Variants in UGT1A10 observed in about 807,000 individuals in gnomAD.
The protein encoded by UGT1A10 is UDP glucuronosyltransferase family 1 member A10, also known as UDP-glucuronosyltransferase 1A10.
UGT1A10 carries 49 observed loss-of-function variants against 45.8 expected under a neutral mutation model. The ratio of observed to expected loss-of-function variants is 1.07; its 90% CI spans 0.85 to 1.36. The LOEUF (loss-of-function observed/expected upper bound fraction) is 1.36, where lower values mean the gene tolerates loss of function less well. Ranked by LOEUF, UGT1A10 falls within the 40% of genes most tolerant of loss-of-function variation. UGT1A10 has a pLI of 0.00. For missense variants in UGT1A10, 745 were observed against 668.6 expected (o/e 1.11, Z -1.26); for synonymous variants, 284 against 249.7 (o/e 1.14, Z -1.29).
intron 1 of UGT1A10, chr2:233,754,561 A>G (rs1695515427): frequency 2.5e-6 from 1 of 393,304 alleles, no homozygotes; most frequent in Non-Finnish European, 5.1e-6. Context: ...GTCAATGGGG[A>G]GCAACTGCTC....
intron 1 of UGT1A10, among the ~76,000 whole-genome samples, chr2:233,736,128 G>A (rs1042776014): frequency 2.0e-5 from 3 of 152,068 alleles, no homozygotes; most frequent in Non-Finnish European, 4.4e-5. Flanking sequence ...TCCATTCTCC[G>A]CATCACTTTC....
intron 1 of UGT1A10, among the ~76,000 whole-genome samples, chr2:233,666,127 GATCACATGGCT>G: frequency 6.6e-6 from 1 of 152,210 alleles, no homozygotes; most frequent in Non-Finnish European, 1.5e-5. Context: ...GGAGGGTGCT[GATCACATGGCT>G]AGAGAGAAGC....
intron 2 of UGT1A10, among the ~76,000 whole-genome samples, chr2:233,767,555 C>A (rs1317722684): frequency 3.3e-5 from 5 of 152,206 alleles, no homozygotes; most frequent in Non-Finnish European, 7.3e-5. Context: ...AGTTCTGCAT[C>A]CACTTGTTTC....
In UGT1A10 at chr2:233,725,203, CAGA is replaced by C. The variant is rs1559370309; in HGVS notation, c.856-41830_856-41828del. On this transcript the variant is annotated intron_variant, in intron 1 of 4. Transcript: ENST00000344644. The stretch of plus-strand genomic sequence containing the variant: ...GGAGAGGCAGAGGCAGAGGCAGAGG[CAGA>C]GGCAGAGGCAGAGGAGGCAGAGGCA... Among the ~76,000 whole-genome samples, 4 of 83,028 alleles carry C rather than the reference CAGA, an allele frequency of 4.8e-5. 1 individual carries two copies. The highest frequency in any genetic ancestry group is 4.2e-5 in the Non-Finnish European group (2 of 47,892). 54.5% of individuals were successfully genotyped at this position (83,028 alleles called of 152,430 possible). A position where few individuals can be genotyped will look rare whatever the true frequency, so the allele number is the denominator to read the frequency against.
chr2:233,639,082 A>G (rs942147241), intron 1 of UGT1A10, among the ~76,000 whole-genome samples: 1 of 152,196 alleles, frequency 6.6e-6, no homozygotes, highest in East Asian at 1.9e-4. Flanking sequence ...AGGGTCACCT[A>G]GAGGCCTTTA....
chr2:233,736,555 T>G (rs905446962), intron 1 of UGT1A10, among the ~76,000 whole-genome samples: 2 of 152,246 alleles, frequency 1.3e-5, no homozygotes, highest in African/African-American at 4.8e-5. Flanking sequence ...GCTCCATTGC[T>G]AGCAAGGAGC....
chr2:233,655,225 G>T (rs559496034), intron 1 of UGT1A10, among the ~76,000 whole-genome samples: 1 of 152,134 alleles, frequency 6.6e-6, no homozygotes, highest in Non-Finnish European at 1.5e-5. Context: ...TGATCACCAG[G>T]GCAAAGTCTA....
chr2:233,755,002 C>G, intron 1 of UGT1A10: 1 of 1,294,350 alleles, frequency 7.7e-7, no homozygotes, highest in Non-Finnish European at 1.0e-6. Context: ...AAGCTGAAGA[C>G]CTACTCGAAG....
intron 1 of UGT1A10, among the ~76,000 whole-genome samples, chr2:233,642,815 T>G (rs1002055457): frequency 6.6e-6 from 1 of 152,246 alleles, no homozygotes; most frequent in Non-Finnish European, 1.5e-5. Flanking sequence ...GATACTTCTC[T>G]GGATTCCAGC....
At chr2:233,742,734 T>C (rs1156368500) in intron 1 of UGT1A10, 3 of 152,940 alleles carry the variant, frequency 2.0e-5, no homozygotes, top group Non-Finnish European at 4.4e-5. Flanking sequence ...GGGATTCAAA[T>C]GTCTGACCTC....
chr2:233,715,550 T>C (rs1275679420), intron 1 of UGT1A10, among the ~76,000 whole-genome samples: 5 of 152,112 alleles, frequency 3.3e-5, no homozygotes, highest in African/African-American at 7.2e-5. Flanking sequence ...GGGAGGAGGA[T>C]TGCTTGAGCC....
Position 233,743,587 on chromosome 2 carries a change from G to A in UGT1A10, c.856-23447G>A, listed in dbSNP as rs375891802. On this transcript the variant is annotated intron_variant, in intron 1 of 4. Transcript: ENST00000344644. ...GCGGGTTTCCCAAGAGGTCAAAGGA[G>A]AATGGGTCCTGGCCGCCGAAGAACT... The A allele has an allele frequency of 8.8e-6, 12 of 1,367,220 alleles. No individual in the cohort carries two copies. In the East Asian group the frequency reaches 1.4e-4, roughly 16 times the overall value. 84.7% of individuals were successfully genotyped at this position (1,367,220 alleles called of 1,614,324 possible).
intron 1 of UGT1A10, among the ~76,000 whole-genome samples, chr2:233,762,131 A>T (rs1026156979): frequency 6.6e-6 from 1 of 152,036 alleles, no homozygotes; most frequent in East Asian, 1.9e-4. Context: ...CCATGTGGGG[A>T]CCTGTGTGAC....
intron 1 of UGT1A10, among the ~76,000 whole-genome samples, chr2:233,761,825 G>A (rs1697874860): frequency 6.6e-6 from 1 of 152,234 alleles, no homozygotes; most frequent in South Asian, 2.1e-4. Flanking sequence ...GGCTCCTTCA[G>A]ATGGAGCGTT....
intron 1 of UGT1A10, chr2:233,692,718 T>G: frequency 2.5e-6 from 2 of 787,046 alleles, no homozygotes; most frequent in East Asian, 4.8e-5. Context: ...TTCAAAGTGT[T>G]GCTATAACTT....
At chr2:233,697,174 G>A (rs181494492) in intron 1 of UGT1A10, among the ~76,000 whole-genome samples, 191 of 152,138 alleles carry the variant, frequency 1.3e-3, no homozygotes, top group African/African-American at 4.5e-3. Flanking sequence ...TTTAAAAATG[G>A]TTGGTAGAAT....
chr2:233,672,303 T>C (rs374589183), intron 1 of UGT1A10: 3 of 1,614,030 alleles, frequency 1.9e-6, no homozygotes, highest in Non-Finnish European at 2.5e-6. Context: ...TTTTTTCAAA[T>C]TGCAGGAGTT....
chr2:233,644,570 G>GAATAAATA (rs142251670), intron 1 of UGT1A10, among the ~76,000 whole-genome samples: 349 of 151,278 alleles, frequency 2.3e-3, no homozygotes, highest in African/African-American at 7.3e-3. Context: ...CAAAAAATAA[G>GAATAAATA]AATAAATAAA....
At chr2:233,667,960 A>G (rs1464022231) in intron 1 of UGT1A10, among the ~76,000 whole-genome samples, 1 of 152,224 alleles carries the variant, frequency 6.6e-6, no homozygotes, top group African/African-American at 2.4e-5. Context: ...ATTTTACAAT[A>G]AATTTAGATT....
Sources: gnomAD v4.1 joint callset for allele counts (sites outside exome capture counted in the v4.1 genomes callset) on GRCh38, gnomAD v4.1.1 for gene constraint, MANE v1.5 for transcripts, NCBI Gene and HGNC (gene_info 2026-07-23, HGNC 2026-07-21) for gene names.